DNM3: variants seen among roughly 807,000 people sequenced by gnomAD.
DNM3 encodes dynamin-3.
DNM3 carries 47 observed loss-of-function variants against 101.6 expected under a neutral mutation model. The ratio of observed to expected loss-of-function variants is 0.46; its 90% confidence interval spans 0.37 to 0.59. The LOEUF (loss-of-function observed/expected upper bound fraction) is 0.59. Ranked by LOEUF, DNM3 falls within the 20% of genes least tolerant of loss-of-function variation. The pLI, the probability that DNM3 is intolerant of heterozygous loss-of-function variation, is 0.00. For synonymous variants in DNM3, 385 were observed against 387.9 expected (o/e 0.99, Z 0.09); for missense variants, 849 against 1,085.7 (o/e 0.78, Z 3.06).
intron 2 of DNM3, among the ~76,000 whole-genome samples, chr1:171,949,105 G>A (rs1481667449): frequency 6.6e-6 from 1 of 152,070 alleles, no homozygotes; most frequent in Non-Finnish European, 1.5e-5. Context: ...CCTATTCATA[G>A]ACTGTTTTAA....
chr1:172,371,854 ATTTATT>A (rs1344478491), intron 17 of DNM3, among the ~76,000 whole-genome samples: 43 of 145,706 alleles, frequency 3.0e-4, no homozygotes, highest in African/African-American at 9.6e-4. Context: ...TTTTATTTTT[ATTTATT>A]TTTATTTTTA....
intron 18 of DNM3, among the ~76,000 whole-genome samples, chr1:172,384,512 C>T (rs974224182): frequency 2.0e-5 from 3 of 152,176 alleles, no homozygotes; most frequent in Admixed American, 1.3e-4. Flanking sequence ...ACATTATTTG[C>T]CCAAGAACAG....
chr1:172,179,129 T>C (rs1219636923), intron 14 of DNM3, among the ~76,000 whole-genome samples: 2 of 152,006 alleles, frequency 1.3e-5, no homozygotes, highest in Non-Finnish European at 2.9e-5. Context: ...TTTGCATTCA[T>C]GAAAAGCATT....
intron 14 of DNM3, among the ~76,000 whole-genome samples, chr1:172,182,182 GTT>G (rs796368546): frequency 5.5e-5 from 8 of 144,174 alleles, no homozygotes; most frequent in East Asian, 2.0e-4. Context: ...ACATTTTATA[GTT>G]TTTTTTTTTT....
At chr1:171,912,883 C>T (rs115423506) in intron 1 of DNM3, among the ~76,000 whole-genome samples, 24 of 152,272 alleles carry the variant, frequency 1.6e-4, no homozygotes, top group Admixed American at 5.9e-4. Flanking sequence ...TTTTGCCATT[C>T]GTTTTCCTGG....
intron 14 of DNM3, among the ~76,000 whole-genome samples, chr1:172,197,681 G>A (rs1200983471): frequency 6.6e-6 from 1 of 151,932 alleles, no homozygotes; most frequent in Non-Finnish European, 1.5e-5. Context: ...CTTATGAATG[G>A]GATTGCCTTT....
At chr1:172,406,344 G>A (rs1422389385) in intron 20 of DNM3, among the ~76,000 whole-genome samples, 5 of 152,040 alleles carry the variant, frequency 3.3e-5, no homozygotes, top group Non-Finnish European at 5.9e-5. Flanking sequence ...TGTGACCTGC[G>A]CCCTTCAGAA....
At chr1:172,194,568 G>A (rs112744418) in intron 14 of DNM3, among the ~76,000 whole-genome samples, 35,808 of 151,986 alleles carry the variant, frequency 0.24, 5,021 homozygotes, top group Middle Eastern at 0.34. Flanking sequence ...TATATATTTA[G>A]GATAGTTAGC....
At chr1:172,388,496 A>G in intron 19 of DNM3, 77 bp from the exon 20 acceptor site, 1 of 1,248,578 alleles carries the variant, frequency 8.0e-7, no homozygotes, top group East Asian at 2.5e-5. Flanking sequence ...AAAAAGCAGG[A>G]AGTTACAAAA....
Position 171,987,798 on chromosome 1 carries a change from C to G in DNM3, c.378C>G (p.Ser126=). The G allele has an allele frequency of 6.4e-7, 1 of 1,550,560 alleles. No homozygotes were observed. The highest frequency in any genetic ancestry group is 8.7e-7 in the Non-Finnish European group (1 of 1,155,020). ...SSIPINLRVY[S]PHVLNLTLID... ...TACCCATTAATTTACGAGTCTATTC[C>G]CCACACGGTAAGTAAAATAATAAAA... Residue 126 remains serine, a synonymous_variant, in exon 3 of 21, where the codon TCC becomes TCG. Coordinates refer to ENST00000627582, the MANE Select transcript of DNM3 (RefSeq NM_015569.5).
At chr1:172,046,230 A>C (rs1042212239) in intron 9 of DNM3, among the ~76,000 whole-genome samples, 2 of 152,180 alleles carry the variant, frequency 1.3e-5, no homozygotes, top group African/African-American at 2.4e-5. Flanking sequence ...CAGCCATAAA[A>C]AATGATGAGT....
intron 1 of DNM3, among the ~76,000 whole-genome samples, chr1:171,874,677 T>C (rs2035592827): frequency 6.6e-6 from 1 of 152,074 alleles, no homozygotes; most frequent in Admixed American, 6.6e-5. Context: ...CAACTTTTAT[T>C]TTAGATCAGG....
chr1:172,073,178 ATGTATATATAG>A (rs2052344994), intron 11 of DNM3, among the ~76,000 whole-genome samples: 1 of 151,998 alleles, frequency 6.6e-6, no homozygotes, highest in South Asian at 2.1e-4. Flanking sequence ...ACACACATAT[ATGTATATATAG>A]TGTATATATA....
intron 2 of DNM3, among the ~76,000 whole-genome samples, chr1:171,936,269 C>T (rs143748715): frequency 0.016 from 2,466 of 151,944 alleles, 44 homozygotes; most frequent in Middle Eastern, 0.024. Context: ...CACTTGAACC[C>T]GGGAGGCAGA....
chr1:171,853,463 G>T (rs1375634731), intron 1 of DNM3, among the ~76,000 whole-genome samples: 1 of 151,836 alleles, frequency 6.6e-6, no homozygotes, highest in African/African-American at 2.4e-5. Flanking sequence ...CACTGTGCCT[G>T]GTCTGTATTT....
intron 2 of DNM3, among the ~76,000 whole-genome samples, chr1:171,923,389 A>G (rs1401956221): frequency 1.3e-5 from 2 of 152,106 alleles, no homozygotes; most frequent in Non-Finnish European, 2.9e-5. Flanking sequence ...GAATTGTAAC[A>G]GATATATATT....
chr1:172,003,051 A>T (rs185552205), intron 4 of DNM3, among the ~76,000 whole-genome samples: 10 of 152,158 alleles, frequency 6.6e-5, no homozygotes, highest in Admixed American at 6.6e-4. Flanking sequence ...AAAAAGACTT[A>T]AAAAAGTAAG....
chr1:172,060,660 C>T (rs2051101937), intron 10 of DNM3, among the ~76,000 whole-genome samples: 4 of 85,866 alleles, frequency 4.7e-5, no homozygotes, highest in Admixed American at 1.5e-4. Context: ...AAAGCTGAAA[C>T]TGGATCCCTT....
intron 14 of DNM3, chr1:172,132,896 A>T: frequency 1.1e-6 from 1 of 945,558 alleles, no homozygotes; most frequent in Non-Finnish European, 1.7e-6. Flanking sequence ...CAGAACATTT[A>T]GTCTTGGCGA....
Sources: allele counts gnomAD v4.1 joint callset (sites outside exome capture counted in the v4.1 genomes callset), GRCh38; gene constraint gnomAD v4.1.1; transcripts MANE v1.5; gene names NCBI Gene and HGNC (gene_info 2026-07-23, HGNC 2026-07-21).